The following SIN3B variants were observed in gnomAD, a reference collection of about 807,000 sequenced individuals.
SIN3B encodes SIN3 transcription regulator family member B, also known as paired amphipathic helix protein Sin3b.
In SIN3B, 19 loss-of-function variants were observed where a neutral mutation model predicts 120.2. The ratio of observed to expected loss-of-function variants is 0.16; its 90% CI spans 0.11 to 0.23. The LOEUF (loss-of-function observed/expected upper bound fraction) is 0.23. SIN3B is among the 10% of genes least tolerant of loss of function. SIN3B has a pLI of 1.00. For synonymous variants in SIN3B, 654 were observed against 653.2 expected, an observed-to-expected ratio of 1.00 and a Z score of -0.02; for missense variants, 1,073 against 1,573.0, an observed-to-expected ratio of 0.68 and a Z score of 5.38.
rs1224679185 is a variant in SIN3B at position 16,878,870 on chromosome 19, C to T, written c.*143C>T. ...CCGGACAGCGCACTCCAGGGCAGGACGCCGCCCCCGTGGCTCCCGGTCTCC... is the reference window on the plus strand; with the variant it reads ...CCGGACAGCGCACTCCAGGGCAGGATGCCGCCCCCGTGGCTCCCGGTCTCC... On this transcript the variant is annotated 3_prime_UTR_variant, in exon 19 of 19. Coordinates refer to ENST00000248054, the MANE Select transcript of SIN3B (RefSeq NM_001297595.2). 3 of 768,938 alleles carry T rather than the reference C, an allele frequency of 3.9e-6. No individual in the cohort carries two copies. The highest frequency in any genetic ancestry group is 6.1e-6 in the Non-Finnish European group (3 of 490,452). 47.6% of individuals were successfully genotyped at this position (768,938 alleles called of 1,614,324 possible).
intron 9 of SIN3B, 59 bp from the exon 10 acceptor site, chr19:16,863,621 C>A: frequency 9.5e-7 from 1 of 1,057,070 alleles, no homozygotes; most frequent in Non-Finnish European, 1.5e-6. Flanking sequence ...CACTGGCTAA[C>A]AGTAAATCTT....
In SIN3B at chr19:16,862,636, C is replaced by T. The variant is rs1971705214; in HGVS notation, c.1266+77C>T. ...CTCCCCAGCAAACACCCGATACCCC[C>T]GTTATGAATGAAATGCTGTGTGCTC... is the stretch of plus-strand genomic sequence containing the variant. On this transcript the variant is annotated intron_variant, in intron 9 of 18. Coordinates refer to ENST00000248054, the MANE Select transcript of SIN3B (RefSeq NM_001297595.2). The surrounding 1 kb of genome is among the most constrained non-coding windows in gnomAD (Gnocchi z 4.7). 8 of 1,343,576 alleles carry T rather than the reference C, an allele frequency of 6.0e-6. No homozygotes were observed. The highest frequency in any genetic ancestry group is 2.5e-4 in the Middle Eastern group (1 of 3,980). 83.2% of individuals were successfully genotyped at this position (1,343,576 alleles called of 1,614,324 possible).
chr19:16,877,440 G>A (rs962859744), intron 16 of SIN3B, 105 bp from the exon 17 acceptor site: 5 of 782,338 alleles, frequency 6.4e-6, no homozygotes, highest in Non-Finnish European at 1.1e-5. Context: ...CTCTGGCAGT[G>A]GGGGGCACAG....
At chr19:16,874,823 TTGGTC>T (rs2051566735) in intron 14 of SIN3B, among the ~76,000 whole-genome samples, 1 of 151,850 alleles carries the variant, frequency 6.6e-6, no homozygotes, top group African/African-American at 2.4e-5. Flanking sequence ...TGGTCTGGTT[TTGGTC>T]TGGTCTGATT....
chr19:16,852,659 G>A (rs905070498), intron 6 of SIN3B, among the ~76,000 whole-genome samples: 6 of 152,170 alleles, frequency 3.9e-5, no homozygotes, highest in Non-Finnish European at 8.8e-5. Flanking sequence ...ACAAAAGCCT[G>A]CAGAGACTCA....
chr19:16,876,543 G>A lies in SIN3B; in HGVS notation c.2824G>A (p.Glu942Lys). Residue 942 changes from glutamate to lysine, a missense_variant, in exon 16 of 19, where the codon GAG becomes AAG. Coordinates refer to ENST00000248054, the MANE Select transcript of SIN3B (RefSeq NM_001297595.2). This position sits in a 1 kb window ranked among gnomAD's most constrained non-coding sequence, Gnocchi z 7.1. ...VIMTIELLDT[E>K]EAQTEDPVEV... Reference sequence around the variant, plus strand: ...CATGACCATCGAGCTCCTGGACACCGAGGAGGCCCAGACGGAGGACCCTGT... The same window carrying A: ...CATGACCATCGAGCTCCTGGACACCAAGGAGGCCCAGACGGAGGACCCTGT... 1 of 1,613,462 alleles carries A rather than the reference G, an allele frequency of 6.2e-7. No homozygotes were observed.
At chr19:16,842,825 G>A (rs1262845779) in intron 4 of SIN3B, among the ~76,000 whole-genome samples, 1 of 152,218 alleles carries the variant, frequency 6.6e-6, no homozygotes, top group Non-Finnish European at 1.5e-5. Flanking sequence ...TCCGGGGCCA[G>A]GGAGGGGACA....
chr19:16,832,191 CTTTTTTTTTT>C (rs10528185), intron 3 of SIN3B, among the ~76,000 whole-genome samples: 3 of 125,434 alleles, frequency 2.4e-5, no homozygotes, highest in Non-Finnish European at 5.0e-5. Context: ...TGCTGGCCCT[CTTTTTTTTTT>C]TTTTTTTTTT....
Position 16,878,577 on chromosome 19 carries a change from G to A in SIN3B, c.3243G>A (p.Val1081=), listed in dbSNP as rs1263356742. Residue 1081 remains valine (V), a synonymous_variant, in exon 19 of 19, where the codon GTG becomes GTA. Transcript: ENST00000248054. ...HSRWLEDNVT[V]EAASLVQDWL... Reference sequence around the variant, plus strand: ...GCTGGCTGGAGGACAATGTGACGGTGGAGGCGGCTAGCCTGGTGCAGGACT... The same window carrying A: ...GCTGGCTGGAGGACAATGTGACGGTAGAGGCGGCTAGCCTGGTGCAGGACT... 1.9e-6 allele frequency: 3 copies of A among 1,610,108 alleles called. No homozygotes were observed. Among genetic ancestry groups the A allele is most frequent in the South Asian group, 1.1e-5 (1 of 90,598 alleles).
At chr19:16,875,751 C>T (rs1222196993) in intron 14 of SIN3B, among the ~76,000 whole-genome samples, 1 of 138,840 alleles carries the variant, frequency 7.2e-6, no homozygotes, top group Admixed American at 7.5e-5. Context: ...TTGGTCTGGT[C>T]TGGTCTGTTT....
rs770714169 is a variant in SIN3B at position 16,862,391 on chromosome 19, G to C, written c.1098G>C (p.Leu366=). ...PELFAQFKSF[L]GVKELSFAPP... ...TCTTTGCACAGTTCAAGTCCTTCCT[G>C]GGGGTAAAAGAGCTGTCCTTCGCGC... Residue 366 remains leucine, a synonymous_variant, in exon 9 of 19, where the codon CTG becomes CTC. Transcript: ENST00000248054. This position sits in a 1 kb window ranked among gnomAD's most constrained non-coding sequence, Gnocchi z 4.7. 1.9e-6 allele frequency: 3 copies of C among 1,614,068 alleles called. No individual in the cohort carries two copies. Among genetic ancestry groups the C allele is most frequent in the Non-Finnish European group, 2.5e-6 (3 of 1,180,022 alleles).
chr19:16,866,079 T>C (rs1290596394), intron 11 of SIN3B, among the ~76,000 whole-genome samples: 5 of 152,174 alleles, frequency 3.3e-5, no homozygotes, highest in Admixed American at 2.6e-4. Context: ...AGTCCCTCTC[T>C]TGGGACTCAC....
In SIN3B at chr19:16,878,968, G is replaced by C. The variant is rs556372623; in HGVS notation, c.*241G>C. On this transcript the variant is annotated 3_prime_UTR_variant, in exon 19 of 19. Transcript: ENST00000248054. ...GGGGCTCAGCCCCACCACAGGGGCGGGTGGACGTGCTGGCCGAGGAACAAG... is the reference window on the plus strand; with the variant it reads ...GGGGCTCAGCCCCACCACAGGGGCGCGTGGACGTGCTGGCCGAGGAACAAG... 9.5e-5 allele frequency: 52 copies of C among 549,128 alleles called. 2 individuals are homozygous for C. The Middle Eastern group carries it at 1.4e-3, about 15-fold the overall frequency. 34.0% of individuals were successfully genotyped at this position (549,128 alleles called of 1,614,324 possible). A position where few individuals can be genotyped will look rare whatever the true frequency, so the allele number is the denominator to read the frequency against.
intron 3 of SIN3B, among the ~76,000 whole-genome samples, chr19:16,837,395 C>G (rs1226036439): frequency 1.3e-5 from 2 of 151,266 alleles, no homozygotes; most frequent in African/African-American, 4.9e-5. Flanking sequence ...CAGAGAGGGT[C>G]CCAAGTGATG....
chr19:16,829,768 C>A (rs773409184), intron 1 of SIN3B, 23 bp from the exon 2 acceptor site: 1 of 1,585,142 alleles, frequency 6.3e-7, no homozygotes. Flanking sequence ...CAGGGCCCAC[C>A]GGGACCCTCC....
intron 8 of SIN3B, among the ~76,000 whole-genome samples, chr19:16,857,996 C>T (rs1453954214): frequency 1.3e-5 from 2 of 152,152 alleles, no homozygotes. Context: ...CCTGCCTCAG[C>T]CTCTCGAGTA....
chr19:16,865,316 C>CCCA (rs1555742995), intron 10 of SIN3B, 94 bp from the exon 11 acceptor site: 31 of 543,840 alleles, frequency 5.7e-5, no homozygotes, highest in Non-Finnish European at 9.6e-5. Flanking sequence ...ACCCCCCCCC[C>CCCA]AAAAAAATCC....
chr19:16,839,693 A>G (rs1292954845), intron 3 of SIN3B, among the ~76,000 whole-genome samples: 1 of 152,140 alleles, frequency 6.6e-6, no homozygotes, highest in Non-Finnish European at 1.5e-5. Context: ...TGAGCAGAGA[A>G]TCATTCCGGA....
rs376942889 is a variant in SIN3B at position 16,865,665 on chromosome 19, C to T, written c.1622+17C>T. ...CCTGAAAAGGTGCCCTGTGGCGTCC[C>T]GACTTCCCTTCCCCTTCCCCTTCCC... On this transcript the variant is annotated intron_variant, in intron 11 of 18. Coordinates refer to ENST00000248054, the MANE Select transcript of SIN3B (RefSeq NM_001297595.2). The T allele has an allele frequency of 8.5e-5, 130 of 1,537,580 alleles. No individual in the cohort carries two copies. Among genetic ancestry groups the T allele is most frequent in the Non-Finnish European group, 1.1e-4 (120 of 1,123,832 alleles).
Sources: gnomAD v4.1 joint callset for allele counts (sites outside exome capture counted in the v4.1 genomes callset) on GRCh38, gnomAD v4.1.1 for gene constraint, Gnocchi (gnomAD v3.1) non-coding constraint, MANE v1.5 for transcripts, NCBI Gene and HGNC (gene_info 2026-07-23, HGNC 2026-07-21) for gene names.